The following ATRX variants were observed in gnomAD, a reference collection of about 807,000 sequenced individuals.
ATRX encodes the protein ATRX chromatin remodeler, also known as chromatin remodeler ATRX.
In ATRX, 12 loss-of-function variants were observed where a neutral mutation model predicts 172.6. The ratio of observed to expected loss-of-function variants is 0.07; its 90% CI spans 0.04 to 0.11. The LOEUF (loss-of-function observed/expected upper bound fraction) is 0.11, where lower values mean the gene tolerates loss of function less well. Among genes scored for constraint, ATRX ranks in the 10% least tolerant of loss-of-function variants. The pLI, the probability that ATRX is intolerant of heterozygous loss-of-function variation, is 1.00. For missense variants in ATRX, 1,368 were observed against 1,767.4 expected (o/e 0.77, Z 4.05); for synonymous variants, 674 against 594.7 (o/e 1.13, Z -1.94).
chrX:77,535,982 C>T (rs183874731), intron 30 of ATRX, among the ~76,000 whole-genome samples: 1 of 108,954 alleles, frequency 9.2e-6, no homozygotes, highest in Admixed American at 9.8e-5. Flanking sequence ...TCAAGTGATC[C>T]GCCCACCTCA....
At chrX:77,558,942 C>G in intron 28 of ATRX, 96 bp from the exon 29 acceptor site, 1 of 677,192 alleles carries the variant, frequency 1.5e-6, no homozygotes, top group Non-Finnish European at 2.2e-6. Flanking sequence ...TTTTTTTTAA[C>G]TATCAAGAGT....
chrX:77,713,474 A>G (rs962485432), intron 2 of ATRX, among the ~76,000 whole-genome samples: 6 of 111,586 alleles, frequency 5.4e-5, no homozygotes, highest in Non-Finnish European at 1.1e-4. Context: ...AATGGAAAGC[A>G]AGCCTTGAAT....
intron 1 of ATRX, among the ~76,000 whole-genome samples, chrX:77,717,601 C>CA (rs1266020316): frequency 0.037 from 1,231 of 32,972 alleles, 43 homozygotes; most frequent in African/African-American, 0.11. Flanking sequence ...GACCCTGTCT[C>CA]AAAAAAAAAA....
At chrX:77,750,654 T>C in intron 1 of ATRX, among the ~76,000 whole-genome samples, 1 of 109,820 alleles carries the variant, frequency 9.1e-6, no homozygotes, top group Non-Finnish European at 1.9e-5. Context: ...ATGCATTATA[T>C]TTGTCCTAAT....
chrX:77,748,832 C>A (rs1312319596), intron 1 of ATRX, among the ~76,000 whole-genome samples: 1 of 110,988 alleles, frequency 9.0e-6, no homozygotes, highest in Non-Finnish European at 1.9e-5. Flanking sequence ...GGTGATCCAC[C>A]CACCTCGGCC....
chrX:77,619,448 A>T (rs1324819441), intron 20 of ATRX, among the ~76,000 whole-genome samples: 9 of 111,110 alleles, frequency 8.1e-5, no homozygotes, highest in African/African-American at 2.9e-4. Context: ...TATTTGAGAG[A>T]TCAAATAATA....
In ATRX at chrX:77,619,000, T is replaced by A. The variant is rs1278007263; in HGVS notation, c.5273-19A>T. 1 of 1,087,790 alleles carries A rather than the reference T, an allele frequency of 9.2e-7. No individual in the cohort carries two copies. The highest frequency in any genetic ancestry group is 2.3e-5 in the Admixed American group (1 of 43,043). 89.6% of individuals were successfully genotyped at this position (1,087,790 alleles called of 1,213,427 possible). On this transcript the variant is annotated intron_variant, in intron 20 of 34. Transcript: ENST00000373344. ...CAATGATCTAAGAGAGAAGACATTATTCATTAACAACATTAACAATCGTTA... is the reference window on the plus strand; with the variant it reads ...CAATGATCTAAGAGAGAAGACATTAATCATTAACAACATTAACAATCGTTA...
At chrX:77,599,298 G>T in intron 25 of ATRX, 113 bp downstream of exon 25, 1 of 850,059 alleles carries the variant, frequency 1.2e-6, no homozygotes, top group Non-Finnish European at 1.7e-6. Flanking sequence ...CTCATCAATT[G>T]AGGAAAGATT....
chrX:77,686,764 C>T (rs1557144172), intron 7 of ATRX, among the ~76,000 whole-genome samples: 1 of 110,907 alleles, frequency 9.0e-6, no homozygotes, highest in Non-Finnish European at 1.9e-5. Context: ...TACCCAATGT[C>T]TGTATTTTCC....
At chrX:77,741,440 TG>T (rs1316451927) in intron 1 of ATRX, among the ~76,000 whole-genome samples, 28 of 102,050 alleles carry the variant, frequency 2.7e-4, no homozygotes, top group African/African-American at 5.9e-4. Flanking sequence ...ACCTTTTTTT[TG>T]GGGGGGGGAT....
intron 19 of ATRX, among the ~76,000 whole-genome samples, chrX:77,632,168 A>T (rs995854403): frequency 1.8e-5 from 2 of 109,918 alleles, no homozygotes; most frequent in East Asian, 2.8e-4. Context: ...CCGGCCAAAA[A>T]TTTTTTTTAA....
chrX:77,652,842 AAAAC>A (rs1557117849), intron 14 of ATRX, among the ~76,000 whole-genome samples: 1 of 108,803 alleles, frequency 9.2e-6, no homozygotes, highest in African/African-American at 3.3e-5. Flanking sequence ...CCTATTAAAA[AAAAC>A]AAACAACTCA....
intron 30 of ATRX, among the ~76,000 whole-genome samples, chrX:77,546,333 T>C (rs1466525657): frequency 1.8e-5 from 2 of 111,617 alleles, no homozygotes; most frequent in African/African-American, 6.5e-5. Context: ...AGATACTGTT[T>C]GTTTTTTTAA....
chrX:77,619,504 A>C (rs2067494271), intron 20 of ATRX, among the ~76,000 whole-genome samples: 1 of 111,493 alleles, frequency 9.0e-6, no homozygotes, highest in South Asian at 3.7e-4. Context: ...AATAGTAAAA[A>C]AAAAAAATTA....
chrX:77,743,274 C>T (rs2074948800), intron 1 of ATRX, among the ~76,000 whole-genome samples: 1 of 111,041 alleles, frequency 9.0e-6, no homozygotes, highest in African/African-American at 3.3e-5. Context: ...GAAAGGAACA[C>T]AACTCACTCC....
At chrX:77,620,285 T>C (rs1169089054) in intron 20 of ATRX, 110 bp downstream of exon 20, 11 of 836,779 alleles carry the variant, frequency 1.3e-5, no homozygotes, top group Non-Finnish European at 1.7e-5. Context: ...ATGTAGATCA[T>C]GGTCTAGGAC....
At chrX:77,656,150 G>A (rs1254689100) in intron 13 of ATRX, among the ~76,000 whole-genome samples, 2 of 111,339 alleles carry the variant, frequency 1.8e-5, no homozygotes, top group African/African-American at 6.5e-5. Context: ...CTCATTTAAT[G>A]CCCACAATAG....
At chrX:77,632,124 G>T (rs927246495) in intron 19 of ATRX, among the ~76,000 whole-genome samples, 2 of 111,114 alleles carry the variant, frequency 1.8e-5, no homozygotes, top group Non-Finnish European at 3.8e-5. Flanking sequence ...TCAGCCTCCT[G>T]AGTAGCTGGG....
At chrX:77,579,908 C>A (rs915088751) in intron 27 of ATRX, among the ~76,000 whole-genome samples, 8 of 111,789 alleles carry the variant, frequency 7.2e-5, no homozygotes, top group African/African-American at 2.6e-4. Context: ...CAATGAAATT[C>A]AAGATAACAC....
Sources: gnomAD v4.1 joint callset for allele counts (sites outside exome capture counted in the v4.1 genomes callset) on GRCh38, gnomAD v4.1.1 for gene constraint, MANE v1.5 for transcripts, NCBI Gene and HGNC (gene_info 2026-07-23, HGNC 2026-07-21) for gene names.